The following RIMS1 variants were observed in gnomAD, a reference collection of about 807,000 sequenced individuals.
The protein encoded by RIMS1 is regulating synaptic membrane exocytosis protein 1.
RIMS1 carries 83 observed loss-of-function variants against 214.1 expected under a neutral mutation model. The ratio of observed to expected loss-of-function variants is 0.39; its 90% CI spans 0.32 to 0.47. The LOEUF is 0.47. RIMS1 is among the 20% of genes least tolerant of loss of function. RIMS1 has a pLI of 0.99. For missense variants in RIMS1, 2,050 were observed against 2,161.8 expected (o/e 0.95, Z 1.03); for synonymous variants, 793 against 786.8 (o/e 1.01, Z -0.13).
intron 1 of RIMS1, among the ~76,000 whole-genome samples, chr6:71,932,085 T>C (rs1260720460): frequency 6.6e-6 from 1 of 152,086 alleles, no homozygotes. Context: ...CTCAAAGACC[T>C]AAAGACAGAA....
At chr6:72,098,371 C>A (rs529506116) in intron 3 of RIMS1, among the ~76,000 whole-genome samples, 165 of 151,698 alleles carry the variant, frequency 1.1e-3, no homozygotes, top group African/African-American at 3.9e-3. Context: ...TTTGGCTCAC[C>A]GCCATCTCCA....
At chr6:72,377,862 ACATTTAACT>A (rs2098418308) in intron 29 of RIMS1, among the ~76,000 whole-genome samples, 1 of 152,156 alleles carries the variant, frequency 6.6e-6, no homozygotes, top group South Asian at 2.1e-4. Flanking sequence ...TTTCCTTGTA[ACATTTAACT>A]ACTTCATATG....
intron 2 of RIMS1, among the ~76,000 whole-genome samples, chr6:71,974,505 G>A (rs879897424): frequency 6.6e-6 from 1 of 152,050 alleles, no homozygotes; most frequent in African/African-American, 2.4e-5. Context: ...AGTTATCATG[G>A]ATTTAAAAAG....
intron 3 of RIMS1, among the ~76,000 whole-genome samples, chr6:72,097,473 T>A (rs2032124383): frequency 6.6e-6 from 1 of 152,244 alleles, no homozygotes; most frequent in Non-Finnish European, 1.5e-5. Flanking sequence ...TCATAAATTA[T>A]AAAACTCTTG....
chr6:71,979,445 C>T lies in RIMS1; in HGVS notation c.245+10382C>T, dbSNP rs563664311. On this transcript the variant is annotated intron_variant, in intron 2 of 33. Transcript: ENST00000521978. The stretch of plus-strand genomic sequence containing the variant: ...TAACTGAACTCTAGACCTGAAAATC[C>T]GTGAAATTTTAGTCATATACATGAC... 4.6e-5 allele frequency among the ~76,000 whole-genome samples: 7 copies of T among 152,082 alleles called. No individual in the cohort carries two copies. The East Asian group carries it at 5.8e-4, about 13-fold the overall frequency.
At chr6:72,263,661 T>G in intron 19 of RIMS1, 3 of 985,344 alleles carry the variant, frequency 3.0e-6, no homozygotes, top group Non-Finnish European at 3.6e-6. Flanking sequence ...GTCGACTGTC[T>G]AGAAAGGAGG....
intron 2 of RIMS1, among the ~76,000 whole-genome samples, chr6:72,048,458 G>A (rs1317010749): frequency 6.6e-6 from 1 of 152,160 alleles, no homozygotes; most frequent in African/African-American, 2.4e-5. Flanking sequence ...TCATTCATCA[G>A]TGACTTTCAG....
intron 1 of RIMS1, among the ~76,000 whole-genome samples, chr6:71,950,615 G>T (rs1789167136): frequency 6.6e-6 from 1 of 152,284 alleles, no homozygotes; most frequent in East Asian, 1.9e-4. Context: ...ACCTTCAGTT[G>T]CAAAGCTATT....
chr6:72,196,122 G>C (rs1007692337), intron 6 of RIMS1, among the ~76,000 whole-genome samples: 1 of 151,820 alleles, frequency 6.6e-6, no homozygotes, highest in African/African-American at 2.4e-5. Flanking sequence ...AGAAGTTATT[G>C]GTTTATGTAT....
At chr6:72,393,242 A>C (rs990097501) in intron 31 of RIMS1, among the ~76,000 whole-genome samples, 2 of 148,106 alleles carry the variant, frequency 1.4e-5, no homozygotes, top group Non-Finnish European at 3.0e-5. Flanking sequence ...GGAGAAAAAC[A>C]CTAAAAAGTA....
chr6:72,007,322 G>C (rs1199617011), intron 2 of RIMS1, among the ~76,000 whole-genome samples: 3 of 152,156 alleles, frequency 2.0e-5, no homozygotes, highest in African/African-American at 4.8e-5. Flanking sequence ...AATCCCATCT[G>C]TACATCACCA....
Position 72,340,594 on chromosome 6 carries a change from T to G in RIMS1, c.4366+6759T>G, listed in dbSNP as rs1209191984. Among the ~76,000 whole-genome samples, 2 of 152,112 alleles carry G rather than the reference T, an allele frequency of 1.3e-5. 1 individual carries two copies. The highest frequency in any genetic ancestry group is 1.3e-4 in the Admixed American group (2 of 15,260). On this transcript the variant is annotated intron_variant, in intron 29 of 33. Coordinates refer to ENST00000521978, the MANE Select transcript of RIMS1 (RefSeq NM_014989.7). ...AGGTTTGTCAAAGATCAGATAGTTG[T>G]AGATATGCGGCATTATGCGAGGGCT...
intron 19 of RIMS1, chr6:72,262,228 ATAT>A (rs1247057326): frequency 2.6e-6 from 2 of 779,718 alleles, no homozygotes; most frequent in East Asian, 1.3e-4. Flanking sequence ...TACTTATATA[ATAT>A]TATATAATAG....
intron 4 of RIMS1, among the ~76,000 whole-genome samples, chr6:72,153,056 A>T (rs1457259209): frequency 7.1e-6 from 1 of 141,378 alleles, no homozygotes; most frequent in Non-Finnish European, 1.5e-5. Flanking sequence ...ATATATATGT[A>T]TATATTCCCT....
Position 72,258,166 on chromosome 6 carries a change from T to A in RIMS1, c.2812T>A (p.Leu938Ile). The change falls in exon 17 of 34, where the codon TTA becomes ATA. Residue 938 changes from leucine to isoleucine, a missense_variant. Leu to Ile is a conservative substitution (Grantham distance 5, BLOSUM62 2). Around this residue, in one of 6 missense-constraint regions of RIMS1, gnomAD observed 889 missense variants for 885.5 expected, o/e 1.00. Transcript: ENST00000521978. ...TGCTAGAGAAAGTAAATCTACAACA[T>A]TAACTGTGCCAGAACAGCAAAGAAC... is the stretch of plus-strand genomic sequence containing the variant. The part of the protein sequence containing the change: ...SSARESKSTT[L>I]TVPEQQRTTH... The A allele has an allele frequency of 8.7e-6, 14 of 1,613,216 alleles. No individual in the cohort carries two copies. The highest frequency in any genetic ancestry group is 1.2e-5 in the Non-Finnish European group (14 of 1,179,474).
chr6:72,008,275 A>G (rs1212614163), intron 2 of RIMS1, among the ~76,000 whole-genome samples: 1 of 152,218 alleles, frequency 6.6e-6, no homozygotes, highest in African/African-American at 2.4e-5. Flanking sequence ...GCAAATGCTG[A>G]GAGATTTTGT....
chr6:72,058,566 G>A (rs1826987668), intron 2 of RIMS1, among the ~76,000 whole-genome samples: 3 of 152,134 alleles, frequency 2.0e-5, no homozygotes, highest in East Asian at 1.9e-4. Flanking sequence ...TGTGCTCCTA[G>A]AGGTTCATGT....
chr6:72,252,415 G>C (rs923220191), intron 15 of RIMS1, among the ~76,000 whole-genome samples: 1 of 152,074 alleles, frequency 6.6e-6, no homozygotes, highest in Non-Finnish European at 1.5e-5. Flanking sequence ...TATTCTCTCT[G>C]AACTGCAGAG....
Position 72,026,455 on chromosome 6 carries a change from G to GT in RIMS1, c.245+57392_245+57393insT, listed in dbSNP as rs1816514240. 1.9e-4 allele frequency among the ~76,000 whole-genome samples: 16 copies of GT among 85,628 alleles called. No homozygotes were observed. In the South Asian group the frequency reaches 5.3e-3, roughly 28 times the overall value. The allele number at this position is 85,628 out of a possible 152,430, so 56.2% of individuals were successfully genotyped here. A position where few individuals can be genotyped will look rare whatever the true frequency, so the allele number is the denominator to read the frequency against. On this transcript the variant is annotated intron_variant, in intron 2 of 33. Transcript: ENST00000521978. The stretch of plus-strand genomic sequence containing the variant: ...TAATGTATTCTTCTCCCCCAGCACC[G>GT]CCCCCCCCCCCAACTTTTTTTTTTC...
Sources: gnomAD v4.1 joint callset for allele counts (sites outside exome capture counted in the v4.1 genomes callset) on GRCh38, gnomAD v4.1.1 for gene constraint, gnomAD v4.1.1 regional missense constraint, MANE v1.5 for transcripts, NCBI Gene and HGNC (gene_info 2026-07-23, HGNC 2026-07-21) for gene names.